Variants in RIMS2 observed in about 807,000 individuals in gnomAD.
RIMS2 encodes the protein regulating synaptic membrane exocytosis 2.
RIMS2 carries 59 observed loss-of-function variants against 174.4 expected under a neutral mutation model. The observed-to-expected ratio is 0.34, with a 90% CI of 0.27 to 0.42. The LOEUF is 0.42. Ranked by LOEUF, RIMS2 falls within the 10% of genes least tolerant of loss-of-function variation. RIMS2 has a pLI of 1.00. For missense variants in RIMS2, 1,620 were observed against 1,666.3 expected (o/e 0.97, Z 0.48); for synonymous variants, 606 against 572.5 (o/e 1.06, Z -0.84).
chr8:104,238,168 A>T (rs1374175737), intron 19 of RIMS2, among the ~76,000 whole-genome samples: 2 of 152,162 alleles, frequency 1.3e-5, no homozygotes, highest in Non-Finnish European at 2.9e-5. Context: ...ATGAAGCTGG[A>T]AGCCATTATT....
intron 1 of RIMS2, among the ~76,000 whole-genome samples, chr8:103,646,924 G>A (rs1246976884): frequency 6.6e-6 from 1 of 152,164 alleles, no homozygotes; most frequent in Non-Finnish European, 1.5e-5. Flanking sequence ...TTTTCAAGAA[G>A]AATGTTTCCA....
chr8:103,548,502 A>G (rs1846116957), intron 1 of RIMS2, among the ~76,000 whole-genome samples: 1 of 151,308 alleles, frequency 6.6e-6, no homozygotes, highest in Non-Finnish European at 1.5e-5. Flanking sequence ...CAAACTAGGC[A>G]TTGAAGGAAC....
At chr8:103,700,630 G>T (rs1183078142) in intron 2 of RIMS2, among the ~76,000 whole-genome samples, 2 of 151,742 alleles carry the variant, frequency 1.3e-5, no homozygotes, top group African/African-American at 4.8e-5. Context: ...CGTTTACTGT[G>T]ATTATTGATA....
chr8:103,895,859 C>T (rs1018032798), intron 4 of RIMS2, among the ~76,000 whole-genome samples: 2 of 151,426 alleles, frequency 1.3e-5, no homozygotes, highest in African/African-American at 2.4e-5. Context: ...GAAGTCTCTA[C>T]TCTTTGGGTC....
intron 2 of RIMS2, among the ~76,000 whole-genome samples, chr8:103,744,074 T>C (rs1221521427): frequency 6.6e-6 from 1 of 152,278 alleles, no homozygotes; most frequent in South Asian, 2.1e-4. Flanking sequence ...TGAGACGAAG[T>C]GTTGCTCTGT....
intron 1 of RIMS2, among the ~76,000 whole-genome samples, chr8:103,683,315 A>T (rs1173091027): frequency 6.6e-6 from 1 of 152,210 alleles, no homozygotes; most frequent in Non-Finnish European, 1.5e-5. Context: ...TAACATGGTT[A>T]AAGAGGAAGT....
chr8:103,971,731 C>T (rs1032091423), intron 15 of RIMS2, among the ~76,000 whole-genome samples: 1 of 152,028 alleles, frequency 6.6e-6, no homozygotes, highest in African/African-American at 2.4e-5. Flanking sequence ...GCCACCATTC[C>T]CAGCTAATTT....
intron 19 of RIMS2, among the ~76,000 whole-genome samples, chr8:104,070,448 A>C (rs1322708105): frequency 6.6e-6 from 1 of 152,220 alleles, no homozygotes; most frequent in Non-Finnish European, 1.5e-5. Context: ...GGTATAGTAA[A>C]TTTTGTAGCA....
At chr8:103,844,936 CT>C (rs1357963302) in intron 3 of RIMS2, among the ~76,000 whole-genome samples, 1 of 151,986 alleles carries the variant, frequency 6.6e-6, no homozygotes, top group Non-Finnish European at 1.5e-5. Flanking sequence ...TTTTGAAATC[CT>C]TTTCAACATA....
chr8:103,812,298 G>A, intron 3 of RIMS2, among the ~76,000 whole-genome samples: 1 of 145,464 alleles, frequency 6.9e-6, no homozygotes, highest in Admixed American at 7.1e-5. Context: ...ATCCTAAGTT[G>A]AAGCATAGGT....
chr8:103,759,695 C>A (rs2098087156), intron 2 of RIMS2, among the ~76,000 whole-genome samples: 1 of 151,788 alleles, frequency 6.6e-6, no homozygotes, highest in Non-Finnish European at 1.5e-5. Flanking sequence ...TGACACCTAT[C>A]TATAGTGAGG....
intron 14 of RIMS2, among the ~76,000 whole-genome samples, chr8:103,950,850 G>A (rs1384746009): frequency 1.3e-5 from 2 of 152,154 alleles, no homozygotes; most frequent in African/African-American, 4.8e-5. Context: ...TTGCATACAT[G>A]TTCATTCATA....
At chr8:103,515,617 A>G (rs934330236) in intron 1 of RIMS2, among the ~76,000 whole-genome samples, 21 of 152,180 alleles carry the variant, frequency 1.4e-4, no homozygotes, top group East Asian at 5.8e-4. Flanking sequence ...TTTCATTTTG[A>G]TAACATTTAA....
At chr8:103,933,937 AG>A (rs775702656) in intron 12 of RIMS2, among the ~76,000 whole-genome samples, 1 of 152,160 alleles carries the variant, frequency 6.6e-6, no homozygotes, top group Non-Finnish European at 1.5e-5. Flanking sequence ...GTCTTTTTAG[AG>A]GGGCCAGGGA....
intron 19 of RIMS2, among the ~76,000 whole-genome samples, chr8:104,178,115 G>A (rs547563215): frequency 6.6e-6 from 1 of 152,156 alleles, no homozygotes; most frequent in South Asian, 2.1e-4. Context: ...AGATCAGAAA[G>A]AAGTTCAGAC....
chr8:103,686,866 ATCC>A (rs756286052), intron 1 of RIMS2, among the ~76,000 whole-genome samples: 11 of 152,074 alleles, frequency 7.2e-5, no homozygotes, highest in Non-Finnish European at 1.5e-4. Flanking sequence ...GACTCAAGCA[ATCC>A]TCCTGCCTCA....
intron 19 of RIMS2, among the ~76,000 whole-genome samples, chr8:104,051,814 T>C (rs944700328): frequency 6.6e-6 from 1 of 152,166 alleles, no homozygotes; most frequent in Non-Finnish European, 1.5e-5. Context: ...AAAAAATAAG[T>C]CCTAGCACAT....
rs181683885 is a variant in RIMS2 at position 104,208,680 on chromosome 8, C to G, written c.3335-36236C>G. On this transcript the variant is annotated intron_variant, in intron 19 of 23. Transcript: ENST00000504942. ...CTCAGGGACTTTTTAGAGTAAATAG[C>G]AGGAACCAAATACTACAGGGAAGTC... is the stretch of plus-strand genomic sequence containing the variant. Among the ~76,000 whole-genome samples the G allele has an allele frequency of 7.9e-5, 12 of 152,158 alleles. 1 individual carries two copies. The East Asian group carries it at 2.3e-3, about 29-fold the overall frequency.
intron 13 of RIMS2, among the ~76,000 whole-genome samples, chr8:103,942,447 G>A (rs548280405): frequency 3.1e-4 from 47 of 152,106 alleles, no homozygotes; most frequent in African/African-American, 1.1e-3. Flanking sequence ...ATTCTAAAAT[G>A]ATATACAAAT....
Sources: allele counts gnomAD v4.1 joint callset (sites outside exome capture counted in the v4.1 genomes callset), GRCh38; gene constraint gnomAD v4.1.1; transcripts MANE v1.5; gene names NCBI Gene and HGNC (gene_info 2026-07-23, HGNC 2026-07-21).